The following ZSCAN31 variants were observed in gnomAD, a reference collection of about 807,000 sequenced individuals.
ZSCAN31 encodes the protein zinc finger and SCAN domain-containing protein 31.
A neutral mutation model predicts 22.5 loss-of-function variants in ZSCAN31; 14 were observed. The ratio of observed to expected loss-of-function variants is 0.62; its 90% confidence interval spans 0.41 to 0.97. The LOEUF is 0.97. ZSCAN31 is among the 50% of genes least tolerant of loss of function. ZSCAN31 has a pLI of 0.00. For synonymous variants in ZSCAN31, 168 were observed against 169.8 expected, an observed-to-expected ratio of 0.99 and a Z score of 0.08; for missense variants, 424 against 483.4, an observed-to-expected ratio of 0.88 and a Z score of 1.15.
intron 2 of ZSCAN31, among the ~76,000 whole-genome samples, chr6:28,346,810 G>A (rs1764665995): frequency 6.6e-6 from 1 of 152,178 alleles, no homozygotes; most frequent in Non-Finnish European, 1.5e-5. Context: ...ATGGATAGTA[G>A]AGGAGAGAGA....
intron 1 of ZSCAN31, chr6:28,353,961 A>T (rs1328867726): frequency 1.1e-5 from 5 of 454,756 alleles, no homozygotes; most frequent in Non-Finnish European, 1.3e-5. Context: ...GGCTGTAGGC[A>T]GGTAAAATAT....
chr6:28,353,636 G>A (rs1172898691), intron 2 of ZSCAN31, among the ~76,000 whole-genome samples: 1 of 152,192 alleles, frequency 6.6e-6, no homozygotes, highest in Admixed American at 6.5e-5. Flanking sequence ...GGATTTGTTT[G>A]CAAGATTTCC....
chr6:28,346,435 A>G (rs1180032414), intron 2 of ZSCAN31, among the ~76,000 whole-genome samples: 1 of 144,176 alleles, frequency 6.9e-6, no homozygotes, highest in Non-Finnish European at 1.5e-5. Flanking sequence ...TCAGCTCACT[A>G]CAACCTCTGC....
chr6:28,329,543 G>C lies in ZSCAN31; in HGVS notation c.141C>G (p.Tyr47Ter), dbSNP rs745923636. Residue 47 changes from tyrosine to a stop codon, truncating the protein, a stop_gained, in exon 2 of 4, where the codon TAC becomes TAG. Coordinates refer to ENST00000344279, the MANE Select transcript of ZSCAN31 (RefSeq NM_030899.5). LOFTEE classifies it high-confidence loss of function. The stretch of plus-strand genomic sequence containing the variant: ...CTTCTCGGGGACCAGGAGTCTCTTG[G>C]TAACAAAACTGCCTAAAAAGTTGTC... Reference protein sequence around the residue: ...ASRQLFRQFCYQETPGPREAL... With the variant: ...ASRQLFRQFC 6.2e-7 allele frequency: 1 copy of C among 1,614,226 alleles called. No individual in the cohort carries two copies. Among genetic ancestry groups the C allele is most frequent in the South Asian group, 1.1e-5 (1 of 91,086 alleles).
chr6:28,339,726 C>T (rs913474902), upstream of ZSCAN31, among the ~76,000 whole-genome samples: 1 of 152,156 alleles, frequency 6.6e-6, no homozygotes, highest in Non-Finnish European at 1.5e-5. Context: ...AAGATAGTGT[C>T]CCCTTACCAG....
In ZSCAN31 at chr6:28,326,751, C is replaced by A. The variant is rs768459166; in HGVS notation, c.636G>T (p.Leu212Phe). 1.5e-5 allele frequency: 24 copies of A among 1,613,878 alleles called. No homozygotes were observed. Among genetic ancestry groups the A allele is most frequent in the Non-Finnish European group, 1.8e-5 (21 of 1,180,038 alleles). ...TACAAGTTTCTCTGTACTTAGAATC[C>A]AAAGATACATCTCTTTGGAGTTTGC... is the stretch of plus-strand genomic sequence containing the variant. ...GDSKLQRDVSLDSKYRETCKR... is the reference protein window; with the variant it reads ...GDSKLQRDVSFDSKYRETCKR... The change falls in exon 4 of 4, where the codon TTG becomes TTT. Residue 212 changes from leucine (L) to phenylalanine (F), a missense_variant. Physicochemically the swap from Leu to Phe is conservative, Grantham distance 22 (BLOSUM62 0). Transcript: ENST00000344279.
At chr6:28,342,308 T>C (rs965708822) in intron 2 of ZSCAN31, among the ~76,000 whole-genome samples, 3 of 152,194 alleles carry the variant, frequency 2.0e-5, no homozygotes, top group Non-Finnish European at 4.4e-5. Flanking sequence ...TCTCGACTCC[T>C]CAGATTCTCC....
Position 28,326,352 on chromosome 6 carries a change from G to A in ZSCAN31, c.1035C>T (p.His345=). The change falls in exon 4 of 4, where the codon CAC becomes CAT. Residue 345 remains histidine (H), a synonymous_variant. Transcript: ENST00000344279. ...GACACTGATAGCGCTTCTCTCCAGTGTGTATCCTCTGATGCTGAACAAGGC... is the reference window on the plus strand; with the variant it reads ...GACACTGATAGCGCTTCTCTCCAGTATGTATCCTCTGATGCTGAACAAGGC... ...SSCLVQHQRI[H]TGEKRYQCRE... 6.2e-7 allele frequency: 1 copy of A among 1,614,250 alleles called. No individual in the cohort carries two copies. Among genetic ancestry groups the A allele is most frequent in the Non-Finnish European group, 8.5e-7 (1 of 1,180,040 alleles).
At chr6:28,341,350 T>G (rs1018316877) in intron 3 of ZSCAN31, among the ~76,000 whole-genome samples, 5 of 152,308 alleles carry the variant, frequency 3.3e-5, no homozygotes, top group Admixed American at 2.6e-4. Context: ...CAATAGCAGA[T>G]TTGGCATAGA....
chr6:28,334,131 G>C (rs139919150), intron 1 of ZSCAN31, among the ~76,000 whole-genome samples: 12 of 152,288 alleles, frequency 7.9e-5, no homozygotes, highest in African/African-American at 2.2e-4. Context: ...ATGGAGCTGA[G>C]CTAAGAGCTT....
chr6:28,326,723 G>C lies in ZSCAN31; in HGVS notation c.664C>G (p.Arg222Gly). Residue 222 changes from arginine to glycine, a missense_variant, in exon 4 of 4, where the codon CGA (arginine) becomes GGA (glycine). By Grantham distance (125) the Arg-to-Gly change is moderately radical. Transcript: ENST00000344279. ...TGCTGCTTTTCTGCCTTGCTGTCTCGTTTACAAGTTTCTCTGTACTTAGAA... is the reference window on the plus strand; with the variant it reads ...TGCTGCTTTTCTGCCTTGCTGTCTCCTTTACAAGTTTCTCTGTACTTAGAA... ...LDSKYRETCK[R>G]DSKAEKQQAH... 6.2e-7 allele frequency: 1 copy of C among 1,614,026 alleles called. No homozygotes were observed. Among genetic ancestry groups the C allele is most frequent in the Non-Finnish European group, 8.5e-7 (1 of 1,180,020 alleles).
chr6:28,327,676 C>A, intron 2 of ZSCAN31, 143 bp from the exon 3 acceptor site: 1 of 948,632 alleles, frequency 1.1e-6, no homozygotes. Context: ...AATTCATTAC[C>A]CAAAAGCAAA....
chr6:28,332,327 T>G (rs1763815838), intron 1 of ZSCAN31: 1 of 152,246 alleles, frequency 6.6e-6, no homozygotes, highest in Non-Finnish European at 1.5e-5. Flanking sequence ...TTTACCTGAT[T>G]TATTCGATTA....
rs1763332960 is a variant in ZSCAN31 at position 28,326,980 on chromosome 6, G to T, written c.533-126C>A. 5.1e-6 allele frequency: 5 copies of T among 989,766 alleles called. No homozygotes were observed. In the Middle Eastern group the frequency reaches 9.7e-4, roughly 193 times the overall value. The allele number at this position is 989,766 out of a possible 1,614,324, so 61.3% of individuals were successfully genotyped here. ...TAGGAATGAAGAACTGTCAGTTAAG[G>T]AGCAGGTTGGGTTAAACAGGGATGT... On this transcript the variant is annotated intron_variant, in intron 3 of 3. Transcript: ENST00000344279.
At chr6:28,327,581 A>G (rs1285970391) in intron 2 of ZSCAN31, 48 bp from the exon 3 acceptor site, 2 of 1,559,216 alleles carry the variant, frequency 1.3e-6, no homozygotes, top group Non-Finnish European at 1.7e-6. Flanking sequence ...TTATAGGAGT[A>G]CAAGCTAATA....
intron 2 of ZSCAN31, among the ~76,000 whole-genome samples, chr6:28,353,161 G>T (rs1765172721): frequency 1.3e-5 from 2 of 151,940 alleles, no homozygotes; most frequent in African/African-American, 4.8e-5. Context: ...TAGAGACGGG[G>T]TTTCACCATG....
intron 3 of ZSCAN31, among the ~76,000 whole-genome samples, chr6:28,327,162 C>T (rs1204650028): frequency 1.3e-5 from 2 of 152,148 alleles, no homozygotes; most frequent in Admixed American, 6.5e-5. Flanking sequence ...CTTTTTAAAT[C>T]TCAAATGACT....
upstream of ZSCAN31, among the ~76,000 whole-genome samples, chr6:28,337,429 G>GA (rs1764233581): frequency 6.6e-6 from 1 of 152,186 alleles, no homozygotes; most frequent in African/African-American, 2.4e-5. Flanking sequence ...TACAGGCAGG[G>GA]AGACCAGCTA....
In ZSCAN31 at chr6:28,326,721, T is replaced by C; in HGVS notation, c.666A>G (p.Arg222=). 6.2e-7 allele frequency: 1 copy of C among 1,614,200 alleles called. No individual in the cohort carries two copies. Among genetic ancestry groups the C allele is most frequent in the Non-Finnish European group, 8.5e-7 (1 of 1,180,048 alleles). The change falls in exon 4 of 4, where the codon CGA becomes CGG. Residue 222 remains arginine, a synonymous_variant. Coordinates refer to ENST00000344279, the MANE Select transcript of ZSCAN31 (RefSeq NM_030899.5). ...LDSKYRETCK[R]DSKAEKQQAH... is the part of the protein sequence containing the mutation. The stretch of plus-strand genomic sequence containing the variant: ...CCTGCTGCTTTTCTGCCTTGCTGTC[T>C]CGTTTACAAGTTTCTCTGTACTTAG...
Sources: allele counts gnomAD v4.1 joint callset (sites outside exome capture counted in the v4.1 genomes callset), GRCh38; gene constraint gnomAD v4.1.1; transcripts MANE v1.5; gene names NCBI Gene and HGNC (gene_info 2026-07-23, HGNC 2026-07-21).